ZZZ3: variants seen among roughly 807,000 people sequenced by gnomAD.
The protein encoded by ZZZ3 is zinc finger ZZ-type containing 3.
A neutral mutation model predicts 95.2 loss-of-function variants in ZZZ3; 22 were observed. That is an observed-to-expected ratio of 0.23 (90% CI 0.17 to 0.33). The LOEUF (loss-of-function observed/expected upper bound fraction) is 0.33, where lower values mean the gene tolerates loss of function less well. ZZZ3 is among the 10% of genes least tolerant of loss of function. The pLI is 1.00. For missense variants in ZZZ3, 885 were observed against 1,066.5 expected (o/e 0.83, Z 2.37); for synonymous variants, 335 against 358.9 (o/e 0.93, Z 0.75).
intron 1 of ZZZ3, among the ~76,000 whole-genome samples, chr1:77,667,746 T>A (rs903200311): frequency 6.6e-6 from 1 of 150,944 alleles, no homozygotes; most frequent in Non-Finnish European, 1.5e-5. Context: ...TTATATACCA[T>A]TAGTTAAATG....
intron 4 of ZZZ3, among the ~76,000 whole-genome samples, chr1:77,634,218 C>T (rs1478469566): frequency 2.0e-5 from 3 of 151,864 alleles, no homozygotes; most frequent in East Asian, 3.9e-4. Context: ...TAATCTTGAA[C>T]TTATATAGCA....
intron 5 of ZZZ3, among the ~76,000 whole-genome samples, chr1:77,629,067 A>C (rs924716693): frequency 6.6e-6 from 1 of 152,198 alleles, no homozygotes; most frequent in African/African-American, 2.4e-5. Flanking sequence ...TGAAAGCACC[A>C]GACAGGTGTC....
At chr1:77,620,943 C>T (rs1666794763) in intron 5 of ZZZ3, among the ~76,000 whole-genome samples, 1 of 152,052 alleles carries the variant, frequency 6.6e-6, no homozygotes, top group Non-Finnish European at 1.5e-5. Context: ...GAAGTGAGTC[C>T]AAAACCATGT....
chr1:77,676,931 CTTAAA>C (rs930005353), intron 1 of ZZZ3: 5 of 152,082 alleles, frequency 3.3e-5, no homozygotes, highest in African/African-American at 1.2e-4. Context: ...GAGGTAAAAA[CTTAAA>C]TTTATTTAAA....
chr1:77,627,864 A>G (rs766084323), intron 5 of ZZZ3, among the ~76,000 whole-genome samples: 4 of 152,218 alleles, frequency 2.6e-5, no homozygotes, highest in Non-Finnish European at 5.9e-5. Context: ...ATGAAATGTT[A>G]TAATACCAAA....
chr1:77,601,981 C>G (rs949625036), intron 5 of ZZZ3, among the ~76,000 whole-genome samples: 1 of 152,164 alleles, frequency 6.6e-6, no homozygotes, highest in Non-Finnish European at 1.5e-5. Flanking sequence ...GGAAGTTCCG[C>G]TCTGCTAATC....
intron 5 of ZZZ3, among the ~76,000 whole-genome samples, chr1:77,593,896 T>C (rs1663961648): frequency 6.6e-6 from 1 of 152,186 alleles, no homozygotes; most frequent in African/African-American, 2.4e-5. Flanking sequence ...ACCTTGGGTC[T>C]TGCTTCTTTG....
chr1:77,571,619 AT>A (rs1436170156), intron 12 of ZZZ3, among the ~76,000 whole-genome samples: 1 of 152,256 alleles, frequency 6.6e-6, no homozygotes, highest in Non-Finnish European at 1.5e-5. Context: ...AGAAATTGTG[AT>A]ACATGCTACA....
intron 5 of ZZZ3, among the ~76,000 whole-genome samples, chr1:77,596,957 A>G (rs1664270719): frequency 6.6e-6 from 1 of 152,094 alleles, no homozygotes; most frequent in Admixed American, 6.6e-5. Context: ...TTGCTCTATC[A>G]GCTGAGACAG....
intron 5 of ZZZ3, among the ~76,000 whole-genome samples, chr1:77,597,922 ATAC>A (rs1240856716): frequency 6.6e-6 from 1 of 152,196 alleles, no homozygotes; most frequent in Non-Finnish European, 1.5e-5. Context: ...GAACCATACC[ATAC>A]TACTGTAAGA....
intron 4 of ZZZ3, 29 bp downstream of exon 4, chr1:77,639,420 C>T: frequency 4.0e-6 from 6 of 1,489,228 alleles, no homozygotes; most frequent in Non-Finnish European, 5.4e-6. Flanking sequence ...CTATAGCTGT[C>T]TTCACTACTG....
rs1237506377 is a variant in ZZZ3, at chr1:77,633,340, T to C, written c.15A>G (p.Arg5=). 6.2e-7 allele frequency: 1 copy of C among 1,605,592 alleles called. No homozygotes were observed. The highest frequency in any genetic ancestry group is 8.5e-7 in the Non-Finnish European group (1 of 1,175,566). Residue 5 remains arginine, a synonymous_variant, in exon 5 of 15, where the codon CGA becomes CGG. Coordinates refer to ENST00000370801, the MANE Select transcript of ZZZ3 (RefSeq NM_015534.6). MAAS[R]STRVTRSTVG... Reference sequence around the variant, plus strand: ...CTGTTGATCTTGTAACACGAGTAGATCGGGAAGCAGCCATACTATGGCAAG... The same window carrying C: ...CTGTTGATCTTGTAACACGAGTAGACCGGGAAGCAGCCATACTATGGCAAG...
intron 1 of ZZZ3, among the ~76,000 whole-genome samples, chr1:77,660,853 A>T (rs541162947): frequency 6.6e-6 from 1 of 152,296 alleles, no homozygotes; most frequent in African/African-American, 2.4e-5. Context: ...ATTCTGGACT[A>T]ATTTCTATTT....
At chr1:77,586,424 T>C (rs1663084053) in intron 5 of ZZZ3, among the ~76,000 whole-genome samples, 1 of 151,986 alleles carries the variant, frequency 6.6e-6, no homozygotes, top group Admixed American at 6.6e-5. Context: ...CAAGTAAAAA[T>C]AGGGTTACAA....
chr1:77,644,493 T>C (rs1463387858), intron 1 of ZZZ3, among the ~76,000 whole-genome samples: 1 of 152,244 alleles, frequency 6.6e-6, no homozygotes, highest in East Asian at 1.9e-4. Flanking sequence ...TTCAGTGTCT[T>C]GGATGCCTTC....
Position 77,632,106 on chromosome 1 carries a change from C to T in ZZZ3, c.1249G>A (p.Ala417Thr), listed in dbSNP as rs1667861341. The T allele has an allele frequency of 6.2e-7, 1 of 1,613,966 alleles. No homozygotes were observed. The highest frequency in any genetic ancestry group is 1.3e-5 in the African/African-American group (1 of 74,932). Reference sequence around the variant, plus strand: ...TGACTTACATTATCACTAACAGTTGCATTTGTTTCATTAGGACTAAGATTA... The same window carrying T: ...TGACTTACATTATCACTAACAGTTGTATTTGTTTCATTAGGACTAAGATTA... ...ENNLSPNETN[A>T]TVSDNVSQSP... Residue 417 changes from alanine (A) to threonine (T), a missense_variant, in exon 5 of 15, where the codon GCA becomes ACA. Transcript: ENST00000370801.
intron 5 of ZZZ3, among the ~76,000 whole-genome samples, chr1:77,596,425 T>C (rs1456584736): frequency 1.3e-5 from 2 of 152,100 alleles, no homozygotes; most frequent in East Asian, 3.8e-4. Context: ...GGTGAAACTA[T>C]TTCATATAAC....
intron 5 of ZZZ3, among the ~76,000 whole-genome samples, chr1:77,606,519 C>T (rs1190112825): frequency 6.6e-6 from 1 of 151,620 alleles, no homozygotes; most frequent in Non-Finnish European, 1.5e-5. Flanking sequence ...GTGGATATAG[C>T]GGGCCTTGGG....
Position 77,632,518 on chromosome 1 carries a change from G to T in ZZZ3, c.837C>A (p.Asp279Glu). The T allele has an allele frequency of 6.2e-7, 1 of 1,614,122 alleles. No homozygotes were observed. The highest frequency in any genetic ancestry group is 1.3e-5 in the African/African-American group (1 of 75,026). ...TDSQVQVKLEDHKIVTACLPV... is the reference protein window; with the variant it reads ...TDSQVQVKLEEHKIVTACLPV... ...GCAAGCAGGCAGTTACTATTTTGTG[G>T]TCCTCCAACTTGACCTGCACTTGTG... The change falls in exon 5 of 15, where the codon GAC becomes GAA. Residue 279 changes from aspartate (D) to glutamate (E), a missense_variant. Coordinates refer to ENST00000370801, the MANE Select transcript of ZZZ3 (RefSeq NM_015534.6).
Sources: gnomAD v4.1 joint callset for allele counts (sites outside exome capture counted in the v4.1 genomes callset) on GRCh38, gnomAD v4.1.1 for gene constraint, MANE v1.5 for transcripts, NCBI Gene and HGNC (gene_info 2026-07-23, HGNC 2026-07-21) for gene names.